The following EBF1 variants were observed in gnomAD, a reference collection of about 807,000 sequenced individuals.
EBF1 encodes the protein transcription factor COE1.
EBF1 carries 10 observed loss-of-function variants against 68.4 expected under a neutral mutation model. The ratio of observed to expected loss-of-function variants is 0.15; its 90% CI spans 0.09 to 0.25. The LOEUF (loss-of-function observed/expected upper bound fraction) is 0.25, where lower values mean the gene tolerates loss of function less well. Among genes scored for constraint, EBF1 ranks in the 10% least tolerant of loss-of-function variants. The pLI, the probability that EBF1 is intolerant of heterozygous loss-of-function variation, is 1.00. For synonymous variants in EBF1, 298 were observed against 299.8 expected (o/e 0.99, Z 0.06); for missense variants, 509 against 794.4 (o/e 0.64, Z 4.32).
At chr5:159,081,282 C>A (rs894720069) in intron 5 of EBF1, among the ~76,000 whole-genome samples, 1 of 152,216 alleles carries the variant, frequency 6.6e-6, no homozygotes, top group East Asian at 1.9e-4. Context: ...AGAGAGAGAT[C>A]ACATCCACAT....
intron 10 of EBF1, among the ~76,000 whole-genome samples, chr5:158,761,068 G>T (rs1408512397): frequency 6.6e-6 from 1 of 152,154 alleles, no homozygotes. Context: ...AATAGCAACA[G>T]CCCAAACAGC....
chr5:158,738,610 A>T (rs984401852), intron 10 of EBF1, among the ~76,000 whole-genome samples: 3 of 152,236 alleles, frequency 2.0e-5, no homozygotes, highest in East Asian at 1.9e-4. Context: ...TCTAGAAATT[A>T]TCTCCTTGGT....
At chr5:159,096,946 G>A (rs774194337) in intron 2 of EBF1, 28 bp downstream of exon 2, 23 of 1,610,450 alleles carry the variant, frequency 1.4e-5, no homozygotes, top group Middle Eastern at 1.7e-4. Context: ...AGCCGGGGAC[G>A]AGGGGCGACA....
chr5:159,073,267 A>G, intron 6 of EBF1, 129 bp downstream of exon 6: 1 of 889,340 alleles, frequency 1.1e-6, no homozygotes, highest in Non-Finnish European at 1.8e-6. Flanking sequence ...CGCTCAGCAC[A>G]GCGTAAGTCA....
At chr5:159,069,518 TAA>T (rs988089704) in intron 6 of EBF1, among the ~76,000 whole-genome samples, 4 of 152,066 alleles carry the variant, frequency 2.6e-5, no homozygotes, top group Non-Finnish European at 5.9e-5. Context: ...TTTAGGAAAA[TAA>T]AGAGTTTGGG....
At chr5:158,931,491 C>G (rs1477692718) in intron 6 of EBF1, among the ~76,000 whole-genome samples, 1 of 152,154 alleles carries the variant, frequency 6.6e-6, no homozygotes, top group East Asian at 1.9e-4. Context: ...AAGACTGTCT[C>G]CATCAAAATT....
chr5:158,921,335 A>G (rs1213128585), intron 6 of EBF1, among the ~76,000 whole-genome samples: 1 of 152,168 alleles, frequency 6.6e-6, no homozygotes, highest in Non-Finnish European at 1.5e-5. Context: ...CATATAATAC[A>G]CTGCCTTAAT....
At chr5:159,003,163 T>C (rs749361516) in intron 6 of EBF1, among the ~76,000 whole-genome samples, 3 of 152,238 alleles carry the variant, frequency 2.0e-5, no homozygotes, top group Non-Finnish European at 4.4e-5. Context: ...CTGCTTTAAT[T>C]GGCTCTTTGC....
chr5:158,702,316 G>T (rs1756923084), intron 15 of EBF1, among the ~76,000 whole-genome samples: 1 of 152,026 alleles, frequency 6.6e-6, no homozygotes, highest in South Asian at 2.1e-4. Context: ...TTCCAGCAAT[G>T]CCATTGGCAT....
chr5:158,849,664 T>C (rs1792237266), intron 6 of EBF1, among the ~76,000 whole-genome samples: 1 of 152,244 alleles, frequency 6.6e-6, no homozygotes, highest in Admixed American at 6.5e-5. Flanking sequence ...TGCAAAGCAC[T>C]GAATACACAG....
chr5:158,721,303 T>A (rs192410325), intron 11 of EBF1, among the ~76,000 whole-genome samples: 1 of 152,244 alleles, frequency 6.6e-6, no homozygotes, highest in Non-Finnish European at 1.5e-5. Flanking sequence ...CTGAATCATA[T>A]GAAATTAAAC....
At chr5:158,752,396 A>C (rs114002006) in intron 10 of EBF1, among the ~76,000 whole-genome samples, 2 of 151,890 alleles carry the variant, frequency 1.3e-5, no homozygotes, top group Admixed American at 1.3e-4. Context: ...TAGGAAATCT[A>C]TAAAGATGCA....
rs190657075 is a variant in EBF1 at position 158,831,856 on chromosome 5, G to T, written c.636+8173C>A. Among the ~76,000 whole-genome samples, 26 of 152,146 alleles carry T rather than the reference G, an allele frequency of 1.7e-4. 1 individual carries two copies. In the South Asian group the frequency reaches 4.6e-3, roughly 27 times the overall value. On this transcript the variant is annotated intron_variant, in intron 7 of 15. Transcript: ENST00000313708. The stretch of plus-strand genomic sequence containing the variant: ...TCAATGTGTCAGAAGAGTTTTCCAG[G>T]GAGACAGAATAGAAAGTGCAAAGAT...
At chr5:158,762,398 C>T (rs928190981) in intron 10 of EBF1, among the ~76,000 whole-genome samples, 12 of 152,280 alleles carry the variant, frequency 7.9e-5, no homozygotes, top group Middle Eastern at 3.4e-3. Flanking sequence ...ACAACTGGCC[C>T]TTTTTGGCTT....
chr5:159,083,538 G>A (rs1218569984), intron 5 of EBF1, among the ~76,000 whole-genome samples: 4 of 152,150 alleles, frequency 2.6e-5, no homozygotes, highest in Non-Finnish European at 4.4e-5. Context: ...GGGAAAAAAT[G>A]AAAATTGTAT....
At chr5:159,079,569 T>G (rs1480941325) in intron 5 of EBF1, among the ~76,000 whole-genome samples, 3 of 151,852 alleles carry the variant, frequency 2.0e-5, no homozygotes, top group Non-Finnish European at 4.4e-5. Flanking sequence ...ACTTATTATA[T>G]GACTCCCCCT....
chr5:159,099,369 A>G lies in EBF1; in HGVS notation c.110T>C (p.Leu37Pro), dbSNP rs764789206. ...VRTWMQGAGV[L>P]DANTAAQSGV... ...CCTCTGCGCCGCCGTGTTGGCGTCC[A>G]GCACCCCGGCGCCCTGCATCCACGT... The change falls in exon 1 of 16, where the codon CTG (leucine) becomes CCG (proline). Residue 37 changes from leucine to proline, a missense_variant. By Grantham distance (98) the Leu-to-Pro change is moderately conservative. This residue lies in a region of EBF1 where 74 missense variants were observed against 79.4 expected (regional missense o/e 0.93). Coordinates refer to ENST00000313708, the MANE Select transcript of EBF1 (RefSeq NM_024007.5). 1.3e-6 allele frequency: 2 copies of G among 1,594,620 alleles called. No homozygotes were observed. The highest frequency in any genetic ancestry group is 8.5e-7 in the Non-Finnish European group (1 of 1,171,372).
chr5:158,697,179 A>C lies in EBF1; in HGVS notation c.*1932T>G, dbSNP rs1755904088. Reference sequence around the variant, plus strand: ...ATTCCATGCATATTAATAGAGTAAAACAGCATTAGGGTTGTTTTGTAAGCT... The same window carrying C: ...ATTCCATGCATATTAATAGAGTAAACCAGCATTAGGGTTGTTTTGTAAGCT... On this transcript the variant is annotated 3_prime_UTR_variant, in exon 16 of 16. Transcript: ENST00000313708. The C allele has an allele frequency of 5.1e-6, 1 of 194,364 alleles. No individual in the cohort carries two copies. Among genetic ancestry groups the C allele is most frequent in the Non-Finnish European group, 1.1e-5 (1 of 93,384 alleles). The allele number at this position is 194,364 out of a possible 1,614,324, so 12.0% of individuals were successfully genotyped here.
chr5:158,767,177 TGG>T (rs1367765286), intron 10 of EBF1, among the ~76,000 whole-genome samples: 8 of 152,206 alleles, frequency 5.3e-5, no homozygotes. Context: ...TCCTTCTATA[TGG>T]TTTCTATATT....
Sources: allele counts gnomAD v4.1 joint callset (sites outside exome capture counted in the v4.1 genomes callset), GRCh38; gene constraint gnomAD v4.1.1; regional missense constraint gnomAD v4.1.1; transcripts MANE v1.5; gene names NCBI Gene and HGNC (gene_info 2026-07-23, HGNC 2026-07-21).